The following B3GALT1 variants were observed in gnomAD, a reference collection of about 807,000 sequenced individuals.
The protein encoded by B3GALT1 is beta-1,3-galactosyltransferase 1, also known as UDP-Gal:betaGlcNAc beta 1,3-galactosyltransferase, polypeptide 1.
A neutral mutation model predicts 23.2 loss-of-function variants in B3GALT1; 10 were observed. That is an observed-to-expected ratio of 0.43 (90% CI 0.27 to 0.73). B3GALT1 has a LOEUF of 0.73. B3GALT1 is among the 30% of genes least tolerant of loss of function. B3GALT1 has a pLI of 0.21. For synonymous variants in B3GALT1, 156 were observed against 141.5 expected, an observed-to-expected ratio of 1.10 and a Z score of -0.73; for missense variants, 299 against 405.4, an observed-to-expected ratio of 0.74 and a Z score of 2.25.
chr2:167,547,711 A>G (rs1030707573), intron 2 of B3GALT1, among the ~76,000 whole-genome samples: 14 of 151,716 alleles, frequency 9.2e-5, no homozygotes, highest in South Asian at 4.2e-4. Flanking sequence ...AAAAAAAAAA[A>G]AAGAAGAGTC....
chr2:167,862,213 C>T (rs1369468312), intron 4 of B3GALT1, among the ~76,000 whole-genome samples: 1 of 152,184 alleles, frequency 6.6e-6, no homozygotes. Flanking sequence ...TGAGAAGTCC[C>T]ATGATCTGCT....
At chr2:167,412,787 C>T (rs1161329175) in intron 1 of B3GALT1, among the ~76,000 whole-genome samples, 3 of 152,066 alleles carry the variant, frequency 2.0e-5, no homozygotes, top group African/African-American at 7.2e-5. Flanking sequence ...CATGTATAAG[C>T]ATATTCATGG....
intron 1 of B3GALT1, among the ~76,000 whole-genome samples, chr2:167,379,949 T>C (rs1302655550): frequency 2.0e-5 from 3 of 152,214 alleles, no homozygotes; most frequent in Non-Finnish European, 2.9e-5. Context: ...GGCCCCCCTG[T>C]ACCAGGATCT....
intron 3 of B3GALT1, among the ~76,000 whole-genome samples, chr2:167,721,317 G>A (rs1456105725): frequency 6.6e-6 from 1 of 152,214 alleles, no homozygotes; most frequent in Non-Finnish European, 1.5e-5. Context: ...CTGAGGAAAG[G>A]GAAACCATTT....
At chr2:167,621,240 C>T (rs1420907129) in intron 2 of B3GALT1, among the ~76,000 whole-genome samples, 2 of 151,722 alleles carry the variant, frequency 1.3e-5, no homozygotes, top group Non-Finnish European at 2.9e-5. Flanking sequence ...AGGCACACAC[C>T]ACCACACCTG....
intron 1 of B3GALT1, among the ~76,000 whole-genome samples, chr2:167,487,700 A>C (rs758345554): frequency 6.6e-6 from 1 of 152,308 alleles, no homozygotes; most frequent in South Asian, 2.1e-4. Context: ...GGGATTGCCC[A>C]CAGAAGGACT....
chr2:167,868,902 C>T lies in B3GALT1; in HGVS notation c.-138C>T. 1 of 1,006,416 alleles carries T rather than the reference C, an allele frequency of 9.9e-7. No individual in the cohort carries two copies. Among genetic ancestry groups the T allele is most frequent in the Non-Finnish European group, 1.4e-6 (1 of 690,798 alleles). The allele number at this position is 1,006,416 out of a possible 1,614,324, so 62.3% of individuals were successfully genotyped here. On this transcript the variant is annotated 5_prime_UTR_variant, in exon 5 of 5. Coordinates refer to ENST00000392690, the MANE Select transcript of B3GALT1 (RefSeq NM_020981.4). ...AGAGGTGACAGACAGCCACTGAGGC[C>T]CATGGACAATCTCCACCTCACGCTT... is the stretch of plus-strand genomic sequence containing the variant.
At chr2:167,559,086 C>T (rs537563456) in intron 2 of B3GALT1, among the ~76,000 whole-genome samples, 105 of 152,304 alleles carry the variant, frequency 6.9e-4, no homozygotes, top group African/African-American at 9.9e-4. Context: ...ACACCTCACA[C>T]GGCCGGGTAC....
intron 3 of B3GALT1, among the ~76,000 whole-genome samples, chr2:167,663,566 C>T (rs1373900144): frequency 2.6e-5 from 4 of 151,358 alleles, no homozygotes; most frequent in Admixed American, 1.3e-4. Flanking sequence ...AACTAGTTTA[C>T]AGTCCCACCA....
intron 2 of B3GALT1, among the ~76,000 whole-genome samples, chr2:167,561,383 A>G (rs80321772): frequency 1.3e-5 from 2 of 152,204 alleles, no homozygotes; most frequent in African/African-American, 4.8e-5. Context: ...CCCTAACATC[A>G]CAATTAAAAG....
chr2:167,311,907 A>T (rs1383886963), intron 1 of B3GALT1, among the ~76,000 whole-genome samples: 1 of 152,038 alleles, frequency 6.6e-6, no homozygotes, highest in African/African-American at 2.4e-5. Context: ...GGAAAGAGGC[A>T]GAAGCAGTAT....
chr2:167,830,365 C>G (rs1224700666), intron 4 of B3GALT1, among the ~76,000 whole-genome samples: 1 of 146,410 alleles, frequency 6.8e-6, no homozygotes, highest in Non-Finnish European at 1.5e-5. Context: ...GGTAGGGATT[C>G]GTTCATACTT....
At chr2:167,399,759 T>C (rs1036669356) in intron 1 of B3GALT1, among the ~76,000 whole-genome samples, 5 of 152,110 alleles carry the variant, frequency 3.3e-5, no homozygotes, top group African/African-American at 1.2e-4. Context: ...AAAGTTGTCA[T>C]TATAAGACTT....
chr2:167,690,169 A>G (rs1386283096), intron 3 of B3GALT1, among the ~76,000 whole-genome samples: 1 of 152,134 alleles, frequency 6.6e-6, no homozygotes, highest in Non-Finnish European at 1.5e-5. Context: ...GAAAAATGAC[A>G]AAAACAATCA....
At chr2:167,298,866 T>A (rs575144998) in intron 1 of B3GALT1, among the ~76,000 whole-genome samples, 34 of 151,484 alleles carry the variant, frequency 2.2e-4, no homozygotes, top group East Asian at 2.0e-3. Context: ...ATTTTTTTTT[T>A]AAAAAGAGCA....
chr2:167,345,811 A>G (rs949607324), intron 1 of B3GALT1, among the ~76,000 whole-genome samples: 10 of 152,174 alleles, frequency 6.6e-5, no homozygotes, highest in Non-Finnish European at 1.3e-4. Flanking sequence ...AGAGGCAATT[A>G]TGCTGGGAGT....
At position 167,870,301 on chromosome 2, in the gene B3GALT1, C is replaced by T. The variant is rs1004354644; in HGVS notation, c.*281C>T. On this transcript the variant is annotated 3_prime_UTR_variant, in exon 5 of 5. Coordinates refer to ENST00000392690, the MANE Select transcript of B3GALT1 (RefSeq NM_020981.4). ...CAAACAACTCTTAGGATTGACGTAC[C>T]GTGCATCTGAGATAAAAATTTGGTT... 16 of 272,208 alleles carry T rather than the reference C, an allele frequency of 5.9e-5. No homozygotes were observed. Among genetic ancestry groups the T allele is most frequent in the African/African-American group, 2.9e-4 (13 of 45,424 alleles). The allele number at this position is 272,208 out of a possible 1,614,324, so 16.9% of individuals were successfully genotyped here.
intron 2 of B3GALT1, among the ~76,000 whole-genome samples, chr2:167,555,781 C>A (rs539236698): frequency 6.6e-6 from 1 of 152,052 alleles, no homozygotes; most frequent in African/African-American, 2.4e-5. Context: ...TACCATATGG[C>A]GTGTTAATAT....
At chr2:167,464,549 A>G (rs1699316073) in intron 1 of B3GALT1, among the ~76,000 whole-genome samples, 1 of 152,212 alleles carries the variant, frequency 6.6e-6, no homozygotes, top group African/African-American at 2.4e-5. Context: ...ATCAGAATTC[A>G]TCCAATATAA....
Sources: gnomAD v4.1 joint callset for allele counts (sites outside exome capture counted in the v4.1 genomes callset) on GRCh38, gnomAD v4.1.1 for gene constraint, MANE v1.5 for transcripts, NCBI Gene and HGNC (gene_info 2026-07-23, HGNC 2026-07-21) for gene names.